FRRS1: variants seen among roughly 807,000 people sequenced by gnomAD.
FRRS1 encodes the protein ferric chelate reductase 1.
In FRRS1, 51 loss-of-function variants were observed where a neutral mutation model predicts 70.7. The ratio of observed to expected loss-of-function variants is 0.72; its 90% confidence interval spans 0.58 to 0.91. The LOEUF (loss-of-function observed/expected upper bound fraction) is 0.91. Among genes scored for constraint, FRRS1 ranks in the 40% least tolerant of loss-of-function variants. FRRS1 has a pLI of 0.00. For missense variants in FRRS1, 672 were observed against 726.0 expected, an observed-to-expected ratio of 0.93 and a Z score of 0.86; for synonymous variants, 225 against 238.7, an observed-to-expected ratio of 0.94 and a Z score of 0.53.
rs778124557 is a variant in FRRS1 at position 99,719,656 on chromosome 1, T to A, written c.1007-9A>T. The A allele has an allele frequency of 7.2e-7, 1 of 1,390,984 alleles. No homozygotes were observed. Among genetic ancestry groups the A allele is most frequent in the Non-Finnish European group, 1.0e-6 (1 of 980,466 alleles). 86.2% of individuals were successfully genotyped at this position (1,390,984 alleles called of 1,614,324 possible). On this transcript the variant is annotated splice_polypyrimidine_tract_variant and intron_variant, in intron 9 of 16. Coordinates refer to ENST00000646001, the MANE Select transcript of FRRS1 (RefSeq NM_001361041.2). ...GTGCTTGTAAATTCGACCTGCAAATTAAAAACAAAATTAAACATGACAAAG... is the reference window on the plus strand; with the variant it reads ...GTGCTTGTAAATTCGACCTGCAAATAAAAAACAAAATTAAACATGACAAAG...
chr1:99,709,861 G>A (rs1221323270), intron 15 of FRRS1, among the ~76,000 whole-genome samples: 2 of 152,098 alleles, frequency 1.3e-5, no homozygotes, highest in African/African-American at 4.8e-5. Flanking sequence ...CCAGCTAGAT[G>A]GGAATCTGAA....
intron 1 of FRRS1, among the ~76,000 whole-genome samples, chr1:99,763,499 C>T (rs1490928094): frequency 6.6e-6 from 1 of 152,132 alleles, no homozygotes; most frequent in Non-Finnish European, 1.5e-5. Flanking sequence ...GGTAAACTGT[C>T]ACATTTTTAG....
At chr1:99,730,210 AAT>A (rs1191702626) in intron 7 of FRRS1, among the ~76,000 whole-genome samples, 4 of 152,162 alleles carry the variant, frequency 2.6e-5, no homozygotes, top group African/African-American at 7.2e-5. Flanking sequence ...TTAATGACCA[AAT>A]ACACTGCATT....
At chr1:99,730,085 A>T (rs1655277393) in intron 7 of FRRS1, among the ~76,000 whole-genome samples, 1 of 152,072 alleles carries the variant, frequency 6.6e-6, no homozygotes, top group Non-Finnish European at 1.5e-5. Flanking sequence ...TATTATACCT[A>T]TTTTTTCCTT....
At chr1:99,732,812 T>C (rs906466162) in intron 7 of FRRS1, among the ~76,000 whole-genome samples, 3 of 150,710 alleles carry the variant, frequency 2.0e-5, no homozygotes, top group Admixed American at 1.3e-4. Flanking sequence ...ACTAAAGTTT[T>C]GCCAAAGGTT....
In FRRS1 at chr1:99,704,763, A is replaced by AGATCCCAGCATGCC. The variant is rs1553169158; in HGVS notation, c.*4251_*4264dup. ...GCACGCCAGAGGAAGAGCACACGACAGATCCCAGCATGCCGACAGGCCACG... is the reference window on the plus strand; with the variant it reads ...GCACGCCAGAGGAAGAGCACACGACAGATCCCAGCATGCCGATCCCAGCATGCCGACAGGCCACG... On this transcript the variant is annotated 3_prime_UTR_variant, in exon 17 of 17. Transcript: ENST00000646001. Among the ~76,000 whole-genome samples, 1 of 152,092 alleles carries AGATCCCAGCATGCC rather than the reference A, an allele frequency of 6.6e-6. No homozygotes were observed. Among genetic ancestry groups the AGATCCCAGCATGCC allele is most frequent in the South Asian group, 2.1e-4 (1 of 4,822 alleles).
rs1472676826 is a variant in FRRS1, at chr1:99,738,086, C to A, written c.759G>T (p.Met253Ile). The change falls in exon 7 of 17, where the codon ATG becomes ATT. Residue 253 changes from methionine (M) to isoleucine (I), a missense_variant and splice_region_variant. Met to Ile is a conservative substitution (Grantham distance 10). Transcript: ENST00000646001. ...ACTTATGTAAGTGAGAGGTACCAACCATCCACTGATCATGAGACAATGCAA... is the reference window on the plus strand; with the variant it reads ...ACTTATGTAAGTGAGAGGTACCAACAATCCACTGATCATGAGACAATGCAA... ...LSFALSHDQW[M>I]GDDDAYLCIH... 4.4e-6 allele frequency: 7 copies of A among 1,607,856 alleles called. No individual in the cohort carries two copies. The highest frequency in any genetic ancestry group is 1.1e-5 in the South Asian group (1 of 90,346).
In FRRS1 at chr1:99,705,158, C is replaced by A. The variant is rs1654003218; in HGVS notation, c.*3870G>T. Among the ~76,000 whole-genome samples, 1 of 152,246 alleles carries A rather than the reference C, an allele frequency of 6.6e-6. No homozygotes were observed. The highest frequency in any genetic ancestry group is 6.5e-5 in the Admixed American group (1 of 15,290). ...TAGACATTGCTGTGGGGTCGGAGCC[C>A]CACAGCCTGCCCATCTGTATGCTCC... On this transcript the variant is annotated 3_prime_UTR_variant, in exon 17 of 17. Coordinates refer to ENST00000646001, the MANE Select transcript of FRRS1 (RefSeq NM_001361041.2).
At chr1:99,718,004 C>T (rs1654617402) in intron 10 of FRRS1, among the ~76,000 whole-genome samples, 2 of 152,318 alleles carry the variant, frequency 1.3e-5, no homozygotes, top group Admixed American at 6.5e-5. Flanking sequence ...AACAATTAGG[C>T]ACATTATTTC....
intron 9 of FRRS1, among the ~76,000 whole-genome samples, chr1:99,720,955 T>TA (rs1450042957): frequency 4.0e-5 from 6 of 148,814 alleles, no homozygotes; most frequent in Non-Finnish European, 6.0e-5. Context: ...AAAGATCGAT[T>TA]AAAAATAAAG....
intron 4 of FRRS1, among the ~76,000 whole-genome samples, chr1:99,745,880 CCTCCCCCCCCA>C (rs1435069290): frequency 6.6e-6 from 1 of 151,976 alleles, no homozygotes; most frequent in African/African-American, 2.4e-5. Flanking sequence ...AAATGTGGCA[CCTCCCCCCCCA>C]CTAACTCTCT....
Position 99,747,379 on chromosome 1 carries a change from G to C in FRRS1, c.248C>G (p.Ala83Gly). 1 of 1,613,336 alleles carries C rather than the reference G, an allele frequency of 6.2e-7. No homozygotes were observed. The highest frequency in any genetic ancestry group is 8.5e-7 in the Non-Finnish European group (1 of 1,179,282). ...FKGFLLEARN[A>G]EDLNGPPIGS... ...AATAGGAGGGCCATTCAGATCCTCA[G>C]CATTACGCGCTTCTAGGAGAAAGCC... Residue 83 changes from alanine to glycine, a missense_variant, in exon 4 of 17, where the codon GCT (alanine) becomes GGT (glycine). Physicochemically the swap from Ala to Gly is moderately conservative, Grantham distance 60 (BLOSUM62 0). Coordinates refer to ENST00000646001, the MANE Select transcript of FRRS1 (RefSeq NM_001361041.2).
chr1:99,740,271 C>T (rs774932340), intron 6 of FRRS1, among the ~76,000 whole-genome samples: 1 of 152,134 alleles, frequency 6.6e-6, no homozygotes, highest in African/African-American at 2.4e-5. Flanking sequence ...ACATATCCAC[C>T]ACCAGTAAAG....
At chr1:99,709,984 C>A (rs1654197523) in intron 15 of FRRS1, among the ~76,000 whole-genome samples, 1 of 151,908 alleles carries the variant, frequency 6.6e-6, no homozygotes, top group East Asian at 1.9e-4. Flanking sequence ...AACAAACAAA[C>A]AAACAAAAAA....
chr1:99,723,270 G>C (rs553056363), intron 9 of FRRS1, among the ~76,000 whole-genome samples: 39 of 152,206 alleles, frequency 2.6e-4, no homozygotes, highest in African/African-American at 8.7e-4. Flanking sequence ...ACCCCAACAG[G>C]ATTTTTAATA....
chr1:99,754,188 G>A (rs111254650), intron 1 of FRRS1, among the ~76,000 whole-genome samples: 8 of 152,340 alleles, frequency 5.3e-5, no homozygotes, highest in African/African-American at 1.7e-4. Flanking sequence ...GATCCAGGCT[G>A]GGTACCATGG....
chr1:99,710,271 G>A (rs1231724743), intron 15 of FRRS1, among the ~76,000 whole-genome samples: 1 of 152,148 alleles, frequency 6.6e-6, no homozygotes, highest in African/African-American at 2.4e-5. Flanking sequence ...CACTCCTAAT[G>A]GTGGCTATAG....
chr1:99,712,293 C>A, intron 13 of FRRS1, 125 bp downstream of exon 13: 1 of 964,714 alleles, frequency 1.0e-6, no homozygotes, highest in Admixed American at 2.4e-5. Flanking sequence ...TAAAGTATTT[C>A]AAAGTAACTA....
At chr1:99,746,284 T>C (rs1299967865) in intron 4 of FRRS1, among the ~76,000 whole-genome samples, 2 of 152,122 alleles carry the variant, frequency 1.3e-5, no homozygotes, top group African/African-American at 4.8e-5. Context: ...ATGGAAACGA[T>C]TGTCAACGCT....
Sources: gnomAD v4.1 joint callset for allele counts (sites outside exome capture counted in the v4.1 genomes callset) on GRCh38, gnomAD v4.1.1 for gene constraint, MANE v1.5 for transcripts, NCBI Gene and HGNC (gene_info 2026-07-23, HGNC 2026-07-21) for gene names.